Variants in XYLT1 observed in about 807,000 individuals in gnomAD.
XYLT1 encodes xylosyltransferase 1.
XYLT1 carries 36 observed loss-of-function variants against 91.3 expected under a neutral mutation model. The ratio of observed to expected loss-of-function variants is 0.39; its 90% CI spans 0.30 to 0.52. The LOEUF is 0.52. XYLT1 is among the 20% of genes least tolerant of loss of function. The probability of loss-of-function intolerance (pLI) is 0.68; values close to 1 mark genes in which losing one functional copy is unlikely to be tolerated. For synonymous variants in XYLT1, 588 were observed against 532.0 expected, an observed-to-expected ratio of 1.11 and a Z score of -1.45; for missense variants, 1,242 against 1,284.5, an observed-to-expected ratio of 0.97 and a Z score of 0.51.
At chr16:17,180,161 C>T (rs1037214817) in intron 5 of XYLT1, among the ~76,000 whole-genome samples, 3 of 152,192 alleles carry the variant, frequency 2.0e-5, no homozygotes, top group Non-Finnish European at 4.4e-5. Context: ...ATCTCCCGGT[C>T]GCTCAGTTCA....
In XYLT1 at chr16:17,235,309, C is replaced by CT. The variant is rs3060127; in HGVS notation, c.913+23678dup. ...ACAGCCAAATCATCATCATTATCAT[C>CT]TTTTTTTTTTTTTTTTGGAGACCTA... On this transcript the variant is annotated intron_variant, in intron 3 of 11. Transcript: ENST00000261381. 2.0e-3 allele frequency among the ~76,000 whole-genome samples: 280 copies of CT among 138,212 alleles called. 7 individuals carry two copies. The highest frequency in any genetic ancestry group is 2.9e-3 in the African/African-American group (107 of 36,848). 90.7% of individuals were successfully genotyped at this position (138,212 alleles called of 152,430 possible). A position where few individuals can be genotyped will look rare whatever the true frequency, so the allele number is the denominator to read the frequency against.
At chr16:17,322,199 A>G (rs2034734317) in intron 2 of XYLT1, among the ~76,000 whole-genome samples, 1 of 152,140 alleles carries the variant, frequency 6.6e-6, no homozygotes, top group African/African-American at 2.4e-5. Context: ...CCAAAGTCAC[A>G]AGACTTGTAC....
rs542956926 is a variant in XYLT1, at chr16:17,414,782, C to T, written c.363+55652G>A. On this transcript the variant is annotated intron_variant, in intron 1 of 11. Transcript: ENST00000261381. ...ACCACCTCCTCACTGTGTGTACCAG[C>T]GCAGCCCCTCACCACCCTCAACTGC... Among the ~76,000 whole-genome samples, 6 of 152,278 alleles carry T rather than the reference C, an allele frequency of 3.9e-5. No individual in the cohort carries two copies. In the South Asian group the frequency reaches 1.0e-3, roughly 26 times the overall value.
chr16:17,446,371 C>T (rs559204890), intron 1 of XYLT1: 13 of 152,230 alleles, frequency 8.5e-5, no homozygotes, highest in Non-Finnish European at 1.9e-4. Context: ...TGACTCTTCA[C>T]AATAACCTTT....
chr16:17,132,636 C>CTCATGCCTGTAATCTCAGCACTTAGG (rs1463569556), intron 9 of XYLT1, among the ~76,000 whole-genome samples: 1 of 152,174 alleles, frequency 6.6e-6, no homozygotes, highest in Non-Finnish European at 1.5e-5. Context: ...GGCGCAATGG[C>CTCATGCCTGTAATCTCAGCACTTAGG]TCATGCCTGT....
chr16:17,189,653 C>T (rs570043945), intron 5 of XYLT1, among the ~76,000 whole-genome samples: 16 of 152,370 alleles, frequency 1.1e-4, no homozygotes, highest in Admixed American at 8.5e-4. Flanking sequence ...GAATGAAGTG[C>T]TGCCACATGC....
At chr16:17,116,374 C>T (rs1323269305) in intron 11 of XYLT1, among the ~76,000 whole-genome samples, 1 of 152,172 alleles carries the variant, frequency 6.6e-6, no homozygotes, top group Admixed American at 6.5e-5. Context: ...ACATACGACT[C>T]CTGAAATAAG....
chr16:17,258,866 C>T, intron 3 of XYLT1, 122 bp downstream of exon 3: 1 of 1,220,804 alleles, frequency 8.2e-7, no homozygotes, highest in Non-Finnish European at 1.1e-6. Context: ...GTGTGCTCAT[C>T]TGGGGTTTGG....
chr16:17,273,115 A>G (rs1327936907), intron 2 of XYLT1, among the ~76,000 whole-genome samples: 1 of 152,210 alleles, frequency 6.6e-6, no homozygotes, highest in Non-Finnish European at 1.5e-5. Flanking sequence ...ACTCATTTAT[A>G]ATTATCCAGG....
At chr16:17,187,393 CAAAAAAAA>C (rs71137979) in intron 5 of XYLT1, among the ~76,000 whole-genome samples, 8 of 55,306 alleles carry the variant, frequency 1.4e-4, no homozygotes, top group African/African-American at 5.3e-4. Flanking sequence ...GACTCAGTTT[CAAAAAAAA>C]AAAAAAAAAA....
intron 10 of XYLT1, among the ~76,000 whole-genome samples, chr16:17,121,288 G>T (rs940786468): frequency 3.3e-5 from 5 of 152,164 alleles, no homozygotes; most frequent in African/African-American, 1.2e-4. Flanking sequence ...AAGATAACCT[G>T]GGCAGGAGAG....
At chr16:17,298,774 T>A (rs1317817453) in intron 2 of XYLT1, among the ~76,000 whole-genome samples, 1 of 152,138 alleles carries the variant, frequency 6.6e-6, no homozygotes, top group African/African-American at 2.4e-5. Flanking sequence ...GCCTTTGCAC[T>A]TGCTGTTCTC....
In XYLT1 at chr16:17,224,389, C is replaced by T. The variant is rs1240296006; in HGVS notation, c.914-23735G>A. Among the ~76,000 whole-genome samples, 13 of 152,372 alleles carry T rather than the reference C, an allele frequency of 8.5e-5. No individual in the cohort carries two copies. The South Asian group carries it at 2.1e-3, about 24-fold the overall frequency. On this transcript the variant is annotated intron_variant, in intron 3 of 11. Coordinates refer to ENST00000261381, the MANE Select transcript of XYLT1 (RefSeq NM_022166.4). The stretch of plus-strand genomic sequence containing the variant: ...AAGACCAGGCACGTGCATGCCTAAT[C>T]ACCCTTTGGGGGCAAGAGCCATCTG...
intron 1 of XYLT1, among the ~76,000 whole-genome samples, chr16:17,429,637 G>A (rs2036365177): frequency 6.6e-6 from 1 of 152,188 alleles, no homozygotes; most frequent in Admixed American, 6.5e-5. Context: ...ATTTGAACTG[G>A]TGAACTCAGT....
intron 2 of XYLT1, among the ~76,000 whole-genome samples, chr16:17,356,036 T>C (rs916569915): frequency 6.6e-6 from 1 of 151,960 alleles, no homozygotes; most frequent in Non-Finnish European, 1.5e-5. Context: ...TTCTTTCCAG[T>C]GGGGAGCTGG....
chr16:17,314,113 C>G (rs946382051), intron 2 of XYLT1, among the ~76,000 whole-genome samples: 1 of 152,214 alleles, frequency 6.6e-6, no homozygotes, highest in South Asian at 2.1e-4. Context: ...TCACTAGTTA[C>G]TAGCTTTGAA....
At chr16:17,326,418 A>C (rs2034802989) in intron 2 of XYLT1, among the ~76,000 whole-genome samples, 1 of 152,218 alleles carries the variant, frequency 6.6e-6, no homozygotes, top group African/African-American at 2.4e-5. Context: ...TTTAAAATAA[A>C]GAATTTTGAA....
chr16:17,107,560 C>G lies in XYLT1; in HGVS notation c.*1135G>C, dbSNP rs543139081. Reference sequence around the variant, plus strand: ...AAGGGCATGAAATTAAAAACCAAATCTGAAATGCTATTTCCTGGACGGGAA... The same window carrying G: ...AAGGGCATGAAATTAAAAACCAAATGTGAAATGCTATTTCCTGGACGGGAA... On this transcript the variant is annotated 3_prime_UTR_variant, in exon 12 of 12. Transcript: ENST00000261381. The G allele has an allele frequency of 6.5e-6, 1 of 152,792 alleles. No homozygotes were observed. Among genetic ancestry groups the G allele is most frequent in the African/African-American group, 2.4e-5 (1 of 41,586 alleles). 9.5% of individuals were successfully genotyped at this position (152,792 alleles called of 1,614,324 possible).
At chr16:17,285,077 A>G (rs1284787395) in intron 2 of XYLT1, among the ~76,000 whole-genome samples, 1 of 152,202 alleles carries the variant, frequency 6.6e-6, no homozygotes, top group Non-Finnish European at 1.5e-5. Flanking sequence ...GCAGGGGCAG[A>G]AACAAAGGTG....
Sources: gnomAD v4.1 joint callset for allele counts (sites outside exome capture counted in the v4.1 genomes callset) on GRCh38, gnomAD v4.1.1 for gene constraint, MANE v1.5 for transcripts, NCBI Gene and HGNC (gene_info 2026-07-23, HGNC 2026-07-21) for gene names.